The following FBN2 variants were observed in gnomAD, a reference collection of about 807,000 sequenced individuals.
The protein encoded by FBN2 is fibrillin 2.
Under a neutral mutation model 355.6 loss-of-function variants are expected in FBN2, and 105 were observed. That is an observed-to-expected ratio of 0.30 (90% CI 0.25 to 0.35). FBN2 has a LOEUF of 0.35. FBN2 is among the 10% of genes least tolerant of loss of function. FBN2 has a pLI of 1.00. For missense variants in FBN2, 3,280 were observed against 3,758.7 expected (o/e 0.87, Z 3.33); for synonymous variants, 1,350 against 1,301.2 (o/e 1.04, Z -0.81).
chr5:128,437,542 T>C (rs1475699583), intron 7 of FBN2, among the ~76,000 whole-genome samples: 1 of 152,074 alleles, frequency 6.6e-6, no homozygotes, highest in African/African-American at 2.4e-5. Context: ...ATAACCACCA[T>C]GGGTAGATGC....
At chr5:128,471,672 T>C (rs919625046) in intron 5 of FBN2, among the ~76,000 whole-genome samples, 1 of 152,184 alleles carries the variant, frequency 6.6e-6, no homozygotes, top group African/African-American at 2.4e-5. Context: ...AAAACTCTTT[T>C]TAATGCATGA....
chr5:128,473,487 A>G (rs956353091), intron 5 of FBN2, among the ~76,000 whole-genome samples: 4 of 152,212 alleles, frequency 2.6e-5, no homozygotes, highest in African/African-American at 9.6e-5. Flanking sequence ...TCACAGATTA[A>G]GTAATACATG....
chr5:128,363,251 C>T (rs938561949), intron 18 of FBN2, among the ~76,000 whole-genome samples: 3 of 151,860 alleles, frequency 2.0e-5, no homozygotes, highest in Non-Finnish European at 2.9e-5. Flanking sequence ...AGTGCAGTGG[C>T]GAGGTCTCCG....
chr5:128,311,843 C>T (rs377099627), intron 38 of FBN2, 42 bp downstream of exon 38: 94 of 1,458,016 alleles, frequency 6.4e-5, no homozygotes, highest in Non-Finnish European at 8.6e-5. Context: ...ATAATTAACT[C>T]TTTACCTTGT....
chr5:128,465,007 CTA>C lies in FBN2; in HGVS notation c.629-88_629-87del, dbSNP rs1754670941. 6 of 1,278,430 alleles carry C rather than the reference CTA, an allele frequency of 4.7e-6. No homozygotes were observed. The East Asian group carries it at 1.2e-4, about 25-fold the overall frequency. 79.2% of individuals were successfully genotyped at this position (1,278,430 alleles called of 1,614,324 possible). On this transcript the variant is annotated intron_variant, in intron 5 of 64. Transcript: ENST00000262464. ...TGCCTCCAAATGCATAAAACAGAGA[CTA>C]TTTCTTCTGACCAAAGTGTCCAAAG...
intron 2 of FBN2, among the ~76,000 whole-genome samples, chr5:128,536,131 G>C (rs1756839975): frequency 6.6e-6 from 1 of 152,102 alleles, no homozygotes; most frequent in African/African-American, 2.4e-5. Context: ...CTTCCAATTT[G>C]TATTAATAGA....
chr5:128,437,504 T>C (rs933355440), intron 7 of FBN2, among the ~76,000 whole-genome samples: 1 of 152,178 alleles, frequency 6.6e-6, no homozygotes, highest in Admixed American at 6.5e-5. Flanking sequence ...GAGATTCCTA[T>C]ACAAAGTGAT....
chr5:128,420,733 A>G (rs921223795), intron 7 of FBN2, among the ~76,000 whole-genome samples: 2 of 152,158 alleles, frequency 1.3e-5, no homozygotes, highest in African/African-American at 4.8e-5. Context: ...AAAACTCTCA[A>G]CTTCTCTTAA....
chr5:128,492,573 C>T (rs962602822), intron 5 of FBN2, among the ~76,000 whole-genome samples: 1 of 152,236 alleles, frequency 6.6e-6, no homozygotes, highest in East Asian at 1.9e-4. Context: ...GAGGCTGAGG[C>T]GGGTGGATCA....
rs797045573 is a variant in FBN2 at position 128,328,706 on chromosome 5, T to A, written c.4461A>T (p.Arg1487Ser). 2.5e-6 allele frequency: 4 copies of A among 1,614,164 alleles called. No homozygotes were observed. The highest frequency in any genetic ancestry group is 3.4e-6 in the Non-Finnish European group (4 of 1,180,024). Residue 1487 changes from arginine (R) to serine (S), a missense_variant, in exon 34 of 65, where the codon AGA (arginine) becomes AGT (serine). Coordinates refer to ENST00000262464, the MANE Select transcript of FBN2 (RefSeq NM_001999.4). Reference sequence around the variant, plus strand: ...ATCCTGGTGACCCACCTTGGCAGGATCTGCTGTCTGAGGCTGGAGTGAAGC... The same window carrying A: ...ATCCTGGTGACCCACCTTGGCAGGAACTGCTGTCTGAGGCTGGAGTGAAGC... Reference protein sequence around the residue: ...EMGFTPASDSRSCQDIDECSF... With the variant: ...EMGFTPASDSSSCQDIDECSF...
chr5:128,510,051 ATC>A (rs1756073001), intron 5 of FBN2, among the ~76,000 whole-genome samples: 1 of 152,050 alleles, frequency 6.6e-6, no homozygotes, highest in Non-Finnish European at 1.5e-5. Flanking sequence ...CTCTCTATAT[ATC>A]TGTTTCCTCA....
chr5:128,527,512 A>G (rs1443338867), intron 4 of FBN2, among the ~76,000 whole-genome samples: 1 of 152,190 alleles, frequency 6.6e-6, no homozygotes, highest in Admixed American at 6.5e-5. Flanking sequence ...GAAGTAAAAA[A>G]GAAAGAAAGA....
chr5:128,517,310 A>C (rs1756305529), intron 5 of FBN2, among the ~76,000 whole-genome samples: 1 of 152,172 alleles, frequency 6.6e-6, no homozygotes, highest in South Asian at 2.1e-4. Context: ...CTCCCAGAAA[A>C]ATGAAGATCA....
At chr5:128,437,431 TATG>T (rs1384023397) in intron 7 of FBN2, among the ~76,000 whole-genome samples, 2 of 152,154 alleles carry the variant, frequency 1.3e-5, no homozygotes, top group Non-Finnish European at 2.9e-5. Context: ...CAATAATGAT[TATG>T]ATGATGAATG....
Position 128,318,134 on chromosome 5 carries a change from T to C in FBN2, c.4717+15A>G, listed in dbSNP as rs1473056981. The C allele has an allele frequency of 5.6e-6, 9 of 1,613,802 alleles. No individual in the cohort carries two copies. Among genetic ancestry groups the C allele is most frequent in the South Asian group, 1.1e-5 (1 of 91,080 alleles). Reference sequence around the variant, plus strand: ...TTGATAATTCTATTTGTTTGTTTCATATAGCTTTACTTACCAACACAACCC... The same window carrying C: ...TTGATAATTCTATTTGTTTGTTTCACATAGCTTTACTTACCAACACAACCC... On this transcript the variant is annotated intron_variant, in intron 36 of 64. Coordinates refer to ENST00000262464, the MANE Select transcript of FBN2 (RefSeq NM_001999.4).
intron 9 of FBN2, among the ~76,000 whole-genome samples, chr5:128,394,100 A>T (rs1168079407): frequency 6.6e-6 from 1 of 152,166 alleles, no homozygotes; most frequent in East Asian, 1.9e-4. Context: ...GTATTTTATG[A>T]CTTAGAGATT....
At chr5:128,395,579 T>C (rs1477568809) in intron 8 of FBN2, among the ~76,000 whole-genome samples, 1 of 152,212 alleles carries the variant, frequency 6.6e-6, no homozygotes, top group Admixed American at 6.5e-5. Context: ...TGTATGTCAC[T>C]GTGATTTTGT....
chr5:128,278,692 T>C lies in FBN2; in HGVS notation c.7288A>G (p.Thr2430Ala), dbSNP rs1014393573. Residue 2430 changes from threonine to alanine, a missense_variant, in exon 57 of 65, where the codon ACT (threonine) becomes GCT (alanine). By Grantham distance (58) the Thr-to-Ala change is moderately conservative (BLOSUM62 0). Transcript: ENST00000262464. The part of the protein sequence containing the change: ...HQCELCPLPG[T>A]AQYKKICPHG... ...GGACATATCTTTTTGTACTGGGCAG[T>C]TCCAGGAAGTGGGCAAAGCTCGCAC... The C allele has an allele frequency of 2.5e-6, 4 of 1,614,036 alleles. No individual in the cohort carries two copies. The African/African-American group carries it at 5.3e-5, about 22-fold the overall frequency.
At chr5:128,480,111 AAT>A (rs900636483) in intron 5 of FBN2, among the ~76,000 whole-genome samples, 1 of 142,956 alleles carries the variant, frequency 7.0e-6, no homozygotes, top group Non-Finnish European at 1.5e-5. Flanking sequence ...CCATATATAT[AAT>A]ATATATATCC....
Sources: gnomAD v4.1 joint callset for allele counts (sites outside exome capture counted in the v4.1 genomes callset) on GRCh38, gnomAD v4.1.1 for gene constraint, MANE v1.5 for transcripts, NCBI Gene and HGNC (gene_info 2026-07-23, HGNC 2026-07-21) for gene names.